Variants in MTUS2 observed in about 807,000 individuals in gnomAD.
MTUS2 encodes microtubule associated scaffold protein 2, also known as microtubule-associated tumor suppressor candidate 2.
Under a neutral mutation model 114.1 loss-of-function variants are expected in MTUS2, and 40 were observed. The observed-to-expected ratio is 0.35, with a 90% CI of 0.27 to 0.46. The LOEUF is 0.46. MTUS2 is among the 20% of genes least tolerant of loss of function. The pLI is 1.00. For synonymous variants in MTUS2, 688 were observed against 672.0 expected, an observed-to-expected ratio of 1.02 and a Z score of -0.37; for missense variants, 1,679 against 1,705.4, an observed-to-expected ratio of 0.98 and a Z score of 0.27.
At chr13:28,904,803 A>G (rs1047089997) in intron 2 of MTUS2, among the ~76,000 whole-genome samples, 36 of 152,278 alleles carry the variant, frequency 2.4e-4, no homozygotes, top group Middle Eastern at 3.4e-3. Flanking sequence ...AGTCATTGGT[A>G]GCTTGATGGG....
Position 29,498,468 on chromosome 13 carries a change from G to A in MTUS2, c.3729G>A (p.Lys1243=). 6.2e-7 allele frequency: 1 copy of A among 1,614,200 alleles called. No individual in the cohort carries two copies. Among genetic ancestry groups the A allele is most frequent in the Non-Finnish European group, 8.5e-7 (1 of 1,180,040 alleles). Residue 1243 remains lysine (K), a synonymous_variant, in exon 14 of 16, where the codon AAG becomes AAA. Coordinates refer to ENST00000612955, the MANE Select transcript of MTUS2 (RefSeq NM_001033602.4). ...QHLEEDMKSL[K]QVLEMKNQQI... is the part of the protein sequence containing the mutation. ...TGGAAGAAGACATGAAGAGTCTGAAGCAGGTATTAGAAATGAAGAATCAGC... is the reference window on the plus strand; with the variant it reads ...TGGAAGAAGACATGAAGAGTCTGAAACAGGTATTAGAAATGAAGAATCAGC...
intron 8 of MTUS2, among the ~76,000 whole-genome samples, chr13:29,408,389 C>T (rs1325332380): frequency 6.6e-6 from 1 of 152,106 alleles, no homozygotes; most frequent in African/African-American, 2.4e-5. Context: ...AATCATAGCT[C>T]ACTGCGGCCT....
At chr13:29,438,766 G>A (rs1877610124) in intron 8 of MTUS2, among the ~76,000 whole-genome samples, 1 of 152,086 alleles carries the variant, frequency 6.6e-6, no homozygotes, top group African/African-American at 2.4e-5. Flanking sequence ...AATAATTTTT[G>A]ACTCCCACAA....
At chr13:28,964,566 A>G (rs1478767969) in intron 2 of MTUS2, among the ~76,000 whole-genome samples, 1 of 151,656 alleles carries the variant, frequency 6.6e-6, no homozygotes, top group Non-Finnish European at 1.5e-5. Flanking sequence ...ACGCTGAATT[A>G]TGAAGGATGG....
chr13:29,014,203 C>T lies in MTUS2; in HGVS notation c.-242-10254C>T, dbSNP rs115570776. On this transcript the variant is annotated intron_variant, in intron 2 of 15. Coordinates refer to ENST00000612955, the MANE Select transcript of MTUS2 (RefSeq NM_001033602.4). ...GCAGACTGGGGCTGAGGAGCCAGGC[C>T]CCACCCTGCTGTGACAGGGCCTACC... is the stretch of plus-strand genomic sequence containing the variant. Among the ~76,000 whole-genome samples, 1,361 of 152,282 alleles carry T rather than the reference C, an allele frequency of 8.9e-3. 18 individuals carry two copies. The highest frequency in any genetic ancestry group is 0.031 in the African/African-American group (1,303 of 41,554).
intron 7 of MTUS2, among the ~76,000 whole-genome samples, chr13:29,347,622 G>T (rs9579352): frequency 1.3e-5 from 2 of 151,618 alleles, no homozygotes; most frequent in East Asian, 3.9e-4. Flanking sequence ...CTCTGTGGAC[G>T]CCACCTGAGT....
At chr13:29,360,155 A>G (rs1339035050) in intron 8 of MTUS2, among the ~76,000 whole-genome samples, 1 of 152,176 alleles carries the variant, frequency 6.6e-6, no homozygotes, top group Admixed American at 6.5e-5. Flanking sequence ...TTTGTTCTCC[A>G]CCTTGAAGTC....
intron 2 of MTUS2, among the ~76,000 whole-genome samples, chr13:28,960,707 G>A (rs1200133654): frequency 6.6e-6 from 1 of 152,170 alleles, no homozygotes; most frequent in Non-Finnish European, 1.5e-5. Context: ...GGGAGAAAGG[G>A]AGATGAGGAG....
intron 2 of MTUS2, among the ~76,000 whole-genome samples, chr13:28,993,236 CTT>C (rs1168726604): frequency 6.6e-6 from 1 of 152,126 alleles, no homozygotes; most frequent in African/African-American, 2.4e-5. Context: ...GATTTCAATT[CTT>C]TTTGTGTATA....
Position 29,188,541 on chromosome 13 carries a change from C to T in MTUS2, c.2644+87571C>T, listed in dbSNP as rs922176173. ...ATAGTTTAAATAAGCAGAGTTTTAG[C>T]CATTTTGAGCCTACCTGCTTTGCAT... On this transcript the variant is annotated intron_variant, in intron 5 of 15. Transcript: ENST00000612955. 1.3e-3 allele frequency among the ~76,000 whole-genome samples: 192 copies of T among 152,242 alleles called. 1 individual carries two copies. Among genetic ancestry groups the T allele is most frequent in the Non-Finnish European group, 1.9e-4 (13 of 68,010 alleles).
intron 6 of MTUS2, among the ~76,000 whole-genome samples, chr13:29,301,698 AT>A (rs1899210953): frequency 6.6e-6 from 1 of 152,208 alleles, no homozygotes; most frequent in Admixed American, 6.5e-5. Context: ...CACCAACTTC[AT>A]TTGTTAATGA....
At chr13:28,859,110 C>T (rs1206563714) in intron 2 of MTUS2, among the ~76,000 whole-genome samples, 1 of 152,138 alleles carries the variant, frequency 6.6e-6, no homozygotes, top group East Asian at 1.9e-4. Context: ...GCAGTCATCA[C>T]ATTTGCTCTC....
chr13:29,200,899 T>C (rs1204442107), intron 5 of MTUS2, among the ~76,000 whole-genome samples: 3 of 152,164 alleles, frequency 2.0e-5, no homozygotes. Flanking sequence ...TACATTCTTT[T>C]CCATTTTCTG....
intron 5 of MTUS2, among the ~76,000 whole-genome samples, chr13:29,113,906 G>A (rs1161696283): frequency 3.9e-5 from 6 of 152,052 alleles, no homozygotes; most frequent in Admixed American, 6.6e-5. Flanking sequence ...TAATGGGGGC[G>A]GTTTTCTTAA....
chr13:28,889,306 A>G (rs762575467), intron 2 of MTUS2, among the ~76,000 whole-genome samples: 1 of 152,214 alleles, frequency 6.6e-6, no homozygotes, highest in Non-Finnish European at 1.5e-5. Context: ...ATGAATTAAG[A>G]TAAGCATTGC....
chr13:29,136,448 C>T (rs573802973), intron 5 of MTUS2, among the ~76,000 whole-genome samples: 3 of 152,094 alleles, frequency 2.0e-5, no homozygotes, highest in Non-Finnish European at 2.9e-5. Flanking sequence ...TCTGGTCACC[C>T]GAATGACCAA....
At chr13:29,108,747 T>C (rs1202065079) in intron 5 of MTUS2, among the ~76,000 whole-genome samples, 2 of 152,110 alleles carry the variant, frequency 1.3e-5, no homozygotes, top group African/African-American at 2.4e-5. Context: ...GGGGGAAGTA[T>C]CCATGCATCC....
chr13:29,192,147 T>C (rs996289424), intron 5 of MTUS2, among the ~76,000 whole-genome samples: 5 of 152,252 alleles, frequency 3.3e-5, no homozygotes, highest in Non-Finnish European at 4.4e-5. Flanking sequence ...AGTTTGTGTG[T>C]GTGCTGTTAA....
intron 8 of MTUS2, among the ~76,000 whole-genome samples, chr13:29,388,548 T>C (rs1872787648): frequency 6.6e-6 from 1 of 151,728 alleles, no homozygotes; most frequent in Non-Finnish European, 1.5e-5. Flanking sequence ...TTCTTTTGGC[T>C]CCCAACTTAA....
Sources: gnomAD v4.1 joint callset for allele counts (sites outside exome capture counted in the v4.1 genomes callset) on GRCh38, gnomAD v4.1.1 for gene constraint, MANE v1.5 for transcripts, NCBI Gene and HGNC (gene_info 2026-07-23, HGNC 2026-07-21) for gene names.